The following TMEM132D variants were observed in gnomAD, a reference collection of about 807,000 sequenced individuals.
The protein encoded by TMEM132D is mature OL transmembrane protein.
In TMEM132D, 21 loss-of-function variants were observed where a neutral mutation model predicts 62.3. That is an observed-to-expected ratio of 0.34 (90% CI 0.24 to 0.49). The LOEUF (loss-of-function observed/expected upper bound fraction) is 0.49, where lower values mean the gene tolerates loss of function less well. Among genes scored for constraint, TMEM132D ranks in the 20% least tolerant of loss-of-function variants. The pLI is 0.99. For synonymous variants in TMEM132D, 621 were observed against 575.6 expected (o/e 1.08, Z -1.13); for missense variants, 1,346 against 1,402.8 (o/e 0.96, Z 0.65).
At chr12:129,483,013 C>A (rs889698281) in intron 3 of TMEM132D, among the ~76,000 whole-genome samples, 9 of 148,590 alleles carry the variant, frequency 6.1e-5, no homozygotes, top group African/African-American at 2.2e-4. Context: ...ATGAGGCATG[C>A]CAAATAATCA....
At chr12:129,868,034 C>T (rs1440883915) in intron 1 of TMEM132D, among the ~76,000 whole-genome samples, 1 of 151,790 alleles carries the variant, frequency 6.6e-6, no homozygotes, top group Non-Finnish European at 1.5e-5. Context: ...GGTGGCGTTT[C>T]TATGGTACAC....
intron 5 of TMEM132D, among the ~76,000 whole-genome samples, chr12:129,151,828 G>A (rs975867465): frequency 5.3e-5 from 8 of 151,300 alleles, no homozygotes; most frequent in Non-Finnish European, 8.8e-5. Flanking sequence ...TTACCTGGAC[G>A]AATCCACATG....
At chr12:129,776,728 G>C (rs1173155660) in intron 1 of TMEM132D, among the ~76,000 whole-genome samples, 3 of 143,750 alleles carry the variant, frequency 2.1e-5, no homozygotes, top group African/African-American at 7.7e-5. Flanking sequence ...TTCTTAACTA[G>C]GAAAGAAATA....
intron 3 of TMEM132D, among the ~76,000 whole-genome samples, chr12:129,443,811 A>G (rs1356025909): frequency 6.6e-6 from 1 of 152,162 alleles, no homozygotes; most frequent in Non-Finnish European, 1.5e-5. Context: ...CCTGATCAAT[A>G]CACGTTTCAC....
At chr12:129,838,625 A>C (rs951204868) in intron 1 of TMEM132D, among the ~76,000 whole-genome samples, 29 of 152,222 alleles carry the variant, frequency 1.9e-4, no homozygotes, top group Non-Finnish European at 5.9e-5. Context: ...GTTATTTTAA[A>C]TATAGAAAGA....
intron 3 of TMEM132D, among the ~76,000 whole-genome samples, chr12:129,511,143 C>A (rs1484586948): frequency 3.9e-5 from 6 of 152,060 alleles, no homozygotes; most frequent in African/African-American, 1.2e-4. Flanking sequence ...ATAAAATATA[C>A]CCACCAACCC....
At chr12:129,601,878 A>G (rs1440367224) in intron 2 of TMEM132D, among the ~76,000 whole-genome samples, 2 of 152,198 alleles carry the variant, frequency 1.3e-5, no homozygotes, top group Non-Finnish European at 2.9e-5. Flanking sequence ...CACAGAGATG[A>G]CATGAGCTCA....
intron 3 of TMEM132D, among the ~76,000 whole-genome samples, chr12:129,416,567 T>C (rs1487117077): frequency 1.3e-5 from 2 of 152,236 alleles, no homozygotes; most frequent in Admixed American, 1.3e-4. Flanking sequence ...CTGACTGCCC[T>C]GGCCAGCACT....
intron 3 of TMEM132D, among the ~76,000 whole-genome samples, chr12:129,515,302 C>T (rs777882966): frequency 1.3e-5 from 2 of 152,008 alleles, no homozygotes; most frequent in African/African-American, 2.4e-5. Context: ...TCAGAAAAGA[C>T]GTTTTGTACA....
intron 2 of TMEM132D, 96 bp downstream of exon 2, chr12:129,699,714 C>T (rs1881328566): frequency 2.7e-6 from 4 of 1,468,116 alleles, no homozygotes; most frequent in African/African-American, 1.4e-5. Flanking sequence ...GGCTCTACTT[C>T]GGTGAGCGAT....
chr12:129,673,770 C>G (rs1880563761), intron 2 of TMEM132D, among the ~76,000 whole-genome samples: 1 of 152,192 alleles, frequency 6.6e-6, no homozygotes, highest in South Asian at 2.1e-4. Context: ...AAACCAATTT[C>G]CAACCTTTGC....
chr12:129,599,216 G>A (rs1878425088), intron 2 of TMEM132D, among the ~76,000 whole-genome samples: 2 of 152,210 alleles, frequency 1.3e-5, no homozygotes, highest in African/African-American at 2.4e-5. Flanking sequence ...GGAATTCCCA[G>A]TTTTATGAAC....
chr12:129,699,209 A>G (rs1050849241), intron 2 of TMEM132D, among the ~76,000 whole-genome samples: 8 of 152,210 alleles, frequency 5.3e-5, no homozygotes, highest in Non-Finnish European at 1.2e-4. Context: ...CTTATTTTCA[A>G]TGTCTTCTCT....
intron 4 of TMEM132D, among the ~76,000 whole-genome samples, chr12:129,234,789 T>A (rs756684383): frequency 1.3e-5 from 2 of 152,210 alleles, no homozygotes; most frequent in Non-Finnish European, 2.9e-5. Flanking sequence ...GAGAGTATAA[T>A]GATTTTCATT....
chr12:129,550,501 T>C (rs968927015), intron 2 of TMEM132D, among the ~76,000 whole-genome samples: 1 of 152,184 alleles, frequency 6.6e-6, no homozygotes, highest in Non-Finnish European at 1.5e-5. Context: ...TGACATTGCA[T>C]CTTGGCACTT....
At chr12:129,467,370 A>C (rs1444873013) in intron 3 of TMEM132D, among the ~76,000 whole-genome samples, 2 of 152,168 alleles carry the variant, frequency 1.3e-5, no homozygotes, top group Non-Finnish European at 2.9e-5. Flanking sequence ...GCTTAAGAGA[A>C]ACCAGTTCCA....
intron 2 of TMEM132D, among the ~76,000 whole-genome samples, chr12:129,697,785 G>A (rs1881241314): frequency 6.6e-6 from 1 of 152,166 alleles, no homozygotes; most frequent in East Asian, 1.9e-4. Context: ...TCTTGGTTTT[G>A]TTACAGACTG....
chr12:129,479,601 A>G (rs1874374494), intron 3 of TMEM132D, among the ~76,000 whole-genome samples: 1 of 152,246 alleles, frequency 6.6e-6, no homozygotes, highest in African/African-American at 2.4e-5. Context: ...GAGCACAGAA[A>G]AGAACATGAT....
intron 2 of TMEM132D, among the ~76,000 whole-genome samples, chr12:129,598,416 C>A (rs1418018613): frequency 3.3e-5 from 5 of 152,188 alleles, no homozygotes; most frequent in Non-Finnish European, 7.4e-5. Flanking sequence ...AATGTCCACC[C>A]CAAATGGAAT....
Sources: allele counts gnomAD v4.1 joint callset (sites outside exome capture counted in the v4.1 genomes callset), GRCh38; gene constraint gnomAD v4.1.1; transcripts MANE v1.5; gene names NCBI Gene and HGNC (gene_info 2026-07-23, HGNC 2026-07-21).